Variants in TMCO6 observed in about 807,000 individuals in gnomAD.
The protein encoded by TMCO6 is transmembrane and coiled-coil domain-containing protein 6.
A neutral mutation model predicts 61.8 loss-of-function variants in TMCO6; 47 were observed. The ratio of observed to expected loss-of-function variants is 0.76; its 90% confidence interval spans 0.60 to 0.97. TMCO6 has a LOEUF of 0.97. Ranked by LOEUF, TMCO6 falls within the 50% of genes least tolerant of loss-of-function variation. The pLI is 0.00. For missense variants in TMCO6, 557 were observed against 601.6 expected, an observed-to-expected ratio of 0.93 and a Z score of 0.78; for synonymous variants, 261 against 254.2, an observed-to-expected ratio of 1.03 and a Z score of -0.25.
the TMCO6 span, among the ~76,000 whole-genome samples, chr5:140,617,270 A>C: frequency 6.6e-6 from 1 of 151,846 alleles, no homozygotes; most frequent in Non-Finnish European, 1.5e-5. Flanking sequence ...TACTAAAAAT[A>C]CAAAAATTAG....
At chr5:140,600,314 T>G in the TMCO6 span, among the ~76,000 whole-genome samples, 380 of 152,298 alleles carry the variant, frequency 2.5e-3, 7 homozygotes, top group Non-Finnish European at 1.6e-3. Flanking sequence ...CAGCCTATAC[T>G]TCACACAGGG....
the TMCO6 span, among the ~76,000 whole-genome samples, chr5:140,607,007 A>G: frequency 1.3e-5 from 2 of 150,334 alleles, no homozygotes; most frequent in Non-Finnish European, 3.0e-5. Flanking sequence ...AAAAATAATA[A>G]TAATAATAAT....
chr5:140,604,898 G>A, the TMCO6 span, among the ~76,000 whole-genome samples: 3 of 150,752 alleles, frequency 2.0e-5, no homozygotes, highest in Non-Finnish European at 4.4e-5. Flanking sequence ...GGTTATAGAT[G>A]TTTGGGTTAT....
At chr5:140,639,988 G>A in intron 2 of TMCO6, 137 bp downstream of exon 2, 1 of 701,658 alleles carries the variant, frequency 1.4e-6, no homozygotes, top group South Asian at 1.8e-5. Flanking sequence ...CCAGAAACAG[G>A]GGAATCATCC....
chr5:140,643,490 C>T (rs1757178529), intron 7 of TMCO6, 74 bp from the exon 8 acceptor site: 2 of 1,412,748 alleles, frequency 1.4e-6, no homozygotes, highest in Non-Finnish European at 1.0e-6. Context: ...AGCCACCACG[C>T]CTAGGCAACT....
chr5:140,643,092 C>T (rs1257486397), intron 7 of TMCO6, 51 bp downstream of exon 7: 1 of 1,611,758 alleles, frequency 6.2e-7, no homozygotes, highest in African/African-American at 1.3e-5. Context: ...GGCTCCCTTC[C>T]ATGACATTCA....
At chr5:140,601,538 C>T in the TMCO6 span, among the ~76,000 whole-genome samples, 44,679 of 152,088 alleles carry the variant, frequency 0.29, 6,778 homozygotes, top group Non-Finnish European at 0.3. Flanking sequence ...TTGTTTTGAC[C>T]CCATTCACGT....
chr5:140,645,740 T>C (rs543118757), downstream of TMCO6: 1 of 1,611,534 alleles, frequency 6.2e-7, no homozygotes, highest in African/African-American at 1.3e-5. Context: ...CAAAGTAAAA[T>C]AAAAGATCTT....
the TMCO6 span, among the ~76,000 whole-genome samples, chr5:140,628,617 G>T: frequency 9.9e-5 from 15 of 151,960 alleles, no homozygotes; most frequent in Non-Finnish European, 4.4e-5. Context: ...TTTTGTATTT[G>T]CAGTAGAGAC....
chr5:140,640,756 T>TC (rs1756976584), intron 2 of TMCO6, among the ~76,000 whole-genome samples: 1 of 152,208 alleles, frequency 6.6e-6, no homozygotes, highest in South Asian at 2.1e-4. Context: ...TTGTTATTTC[T>TC]CCAACTAGAC....
the TMCO6 span, among the ~76,000 whole-genome samples, chr5:140,612,334 C>CTTTT: frequency 6.0e-3 from 670 of 112,184 alleles, 11 homozygotes; most frequent in African/African-American, 7.7e-3. Flanking sequence ...CTTGCCCAAT[C>CTTTT]TTTTTTTTTT....
the TMCO6 span, among the ~76,000 whole-genome samples, chr5:140,597,282 G>T: frequency 6.6e-6 from 1 of 152,130 alleles, no homozygotes; most frequent in African/African-American, 2.4e-5. Flanking sequence ...TTTCAGTACA[G>T]TATTATAATC....
downstream of TMCO6, chr5:140,647,434 G>A: frequency 6.2e-7 from 1 of 1,608,586 alleles, no homozygotes. Context: ...GGTCGAGGTC[G>A]TGACCCTGGC....
chr5:140,647,444 C>G (rs886552960), downstream of TMCO6: 2 of 1,607,028 alleles, frequency 1.2e-6, no homozygotes, highest in Middle Eastern at 1.7e-4. Context: ...GTGACCCTGG[C>G]GTCCCGAAGC....
the TMCO6 span, among the ~76,000 whole-genome samples, chr5:140,599,430 C>T: frequency 1.3e-5 from 2 of 152,216 alleles, no homozygotes; most frequent in Non-Finnish European, 2.9e-5. Context: ...GTATGCACCA[C>T]CCATGAATCA....
In TMCO6 at chr5:140,639,462, C is replaced by T; in HGVS notation, c.-66C>T. 3 of 1,484,202 alleles carry T rather than the reference C, an allele frequency of 2.0e-6. No individual in the cohort carries two copies. Among genetic ancestry groups the T allele is most frequent in the Non-Finnish European group, 2.8e-6 (3 of 1,088,684 alleles). The allele number at this position is 1,484,202 out of a possible 1,614,324, so 91.9% of individuals were successfully genotyped here. On this transcript the variant is annotated 5_prime_UTR_variant, in exon 1 of 12. Coordinates refer to ENST00000394671, the MANE Select transcript of TMCO6 (RefSeq NM_018502.5). ...TGTGCTGAGGCTGCGCAGTCGGTGC[C>T]ATCTTCTACGCCCCTGGGAGCGTTG...
At chr5:140,598,650 C>G in the TMCO6 span, among the ~76,000 whole-genome samples, 11 of 152,154 alleles carry the variant, frequency 7.2e-5, no homozygotes, top group African/African-American at 1.9e-4. Flanking sequence ...AGTGTCTATT[C>G]CTGGCCGGGT....
At chr5:140,601,003 G>T in the TMCO6 span, among the ~76,000 whole-genome samples, 2 of 152,120 alleles carry the variant, frequency 1.3e-5, no homozygotes, top group Admixed American at 6.5e-5. Context: ...TAAATACTAG[G>T]TAGGGAAAGT....
chr5:140,600,839 C>T, the TMCO6 span, among the ~76,000 whole-genome samples: 7 of 152,066 alleles, frequency 4.6e-5, no homozygotes, highest in African/African-American at 1.7e-4. Context: ...TACAATATCC[C>T]CATACTACAT....
Sources: allele counts gnomAD v4.1 joint callset (sites outside exome capture counted in the v4.1 genomes callset), GRCh38; gene constraint gnomAD v4.1.1; transcripts MANE v1.5; gene names NCBI Gene and HGNC (gene_info 2026-07-23, HGNC 2026-07-21).